RIC1: variants seen among roughly 807,000 people sequenced by gnomAD.
RIC1 encodes the protein guanine nucleotide exchange factor subunit RIC1.
Under a neutral mutation model 169.0 loss-of-function variants are expected in RIC1, and 88 were observed. The ratio of observed to expected loss-of-function variants is 0.52; its 90% CI spans 0.44 to 0.62. The LOEUF (loss-of-function observed/expected upper bound fraction) is 0.62, where lower values mean the gene tolerates loss of function less well. Among genes scored for constraint, RIC1 ranks in the 20% least tolerant of loss-of-function variants. The pLI is 0.00. For synonymous variants in RIC1, 790 were observed against 601.5 expected (o/e 1.31, Z -4.59); for missense variants, 1,877 against 1,725.5 (o/e 1.09, Z -1.56).
At chr9:5,687,320 A>C (rs57195876) in intron 2 of RIC1, among the ~76,000 whole-genome samples, 9 of 151,926 alleles carry the variant, frequency 5.9e-5, no homozygotes, top group African/African-American at 1.9e-4. Flanking sequence ...TCTGTTTTCT[A>C]TTTCATTGAT....
intron 6 of RIC1, among the ~76,000 whole-genome samples, chr9:5,723,483 A>G (rs1405438541): frequency 1.3e-5 from 2 of 152,150 alleles, no homozygotes; most frequent in Non-Finnish European, 1.5e-5. Context: ...GGTAGATGGT[A>G]AAAATTTTTT....
chr9:5,739,204 C>T (rs1321782865), intron 8 of RIC1, among the ~76,000 whole-genome samples: 1 of 152,082 alleles, frequency 6.6e-6, no homozygotes, highest in Non-Finnish European at 1.5e-5. Flanking sequence ...CCTTTGGATC[C>T]CTTCCTCTAC....
intron 2 of RIC1, among the ~76,000 whole-genome samples, chr9:5,671,292 CG>C (rs1207045228): frequency 6.9e-6 from 1 of 145,974 alleles, no homozygotes; most frequent in African/African-American, 2.6e-5. Context: ...TTTTTTGAGA[CG>C]GCATCTTGCT....
chr9:5,722,953 G>A (rs532771046), intron 6 of RIC1, among the ~76,000 whole-genome samples: 13 of 152,250 alleles, frequency 8.5e-5, no homozygotes, highest in African/African-American at 3.1e-4. Context: ...AATCCAGTCT[G>A]TCATTGATGG....
At chr9:5,747,830 C>T (rs536012422) in intron 12 of RIC1, among the ~76,000 whole-genome samples, 5 of 152,106 alleles carry the variant, frequency 3.3e-5, no homozygotes, top group Non-Finnish European at 7.3e-5. Context: ...CGGATTTGCA[C>T]AGGCAAAACA....
chr9:5,638,719 T>A (rs1380901784), intron 1 of RIC1, among the ~76,000 whole-genome samples: 1 of 152,198 alleles, frequency 6.6e-6, no homozygotes, highest in Non-Finnish European at 1.5e-5. Flanking sequence ...TATTTTGGTT[T>A]TCTCTTTTAA....
chr9:5,695,066 T>C (rs1165333174), intron 3 of RIC1, among the ~76,000 whole-genome samples: 1 of 152,058 alleles, frequency 6.6e-6, no homozygotes, highest in Admixed American at 6.6e-5. Context: ...TGGAGAAAAA[T>C]TAAGCAGGGT....
chr9:5,672,554 T>G (rs1264529970), intron 2 of RIC1, among the ~76,000 whole-genome samples: 1 of 152,134 alleles, frequency 6.6e-6, no homozygotes, highest in East Asian at 1.9e-4. Flanking sequence ...ATAAAATTAT[T>G]TTTGAAAAGA....
chr9:5,739,391 A>C (rs1824927889), intron 8 of RIC1, among the ~76,000 whole-genome samples: 1 of 152,044 alleles, frequency 6.6e-6, no homozygotes, highest in Non-Finnish European at 1.5e-5. Flanking sequence ...GCCTGATCCA[A>C]CTCTGTGTAC....
In RIC1 at chr9:5,629,452, G is replaced by A. The variant is rs1483720109; in HGVS notation, c.143G>A (p.Arg48Gln). 4 of 1,529,570 alleles carry A rather than the reference G, an allele frequency of 2.6e-6. No homozygotes were observed. Among genetic ancestry groups the A allele is most frequent in the Non-Finnish European group, 3.5e-6 (4 of 1,144,210 alleles). The allele number at this position is 1,529,570 out of a possible 1,614,324, so 94.7% of individuals were successfully genotyped here. A position where few individuals can be genotyped will look rare whatever the true frequency, so the allele number is the denominator to read the frequency against. ...AAARLSIWYS[R>Q]PSVLIVTYKE... ...GCCCGCCTCAGCATCTGGTACAGCCGAGTAAGTAGAGCCGCCCGCCGCCTT... is the reference window on the plus strand; with the variant it reads ...GCCCGCCTCAGCATCTGGTACAGCCAAGTAAGTAGAGCCGCCCGCCGCCTT... Residue 48 changes from arginine (R) to glutamine (Q), a missense_variant and splice_region_variant, in exon 1 of 26, where the codon CGA (arginine) becomes CAA (glutamine). Physicochemically the swap from Arg to Gln is conservative, Grantham distance 43 (BLOSUM62 1). Transcript: ENST00000414202.
At chr9:5,764,676 A>C (rs1317343052) in intron 19 of RIC1, among the ~76,000 whole-genome samples, 1 of 152,226 alleles carries the variant, frequency 6.6e-6, no homozygotes, top group East Asian at 1.9e-4. Context: ...GGTGGCCTTG[A>C]AGTATGATTC....
At chr9:5,714,953 A>G (rs1487450903) in intron 4 of RIC1, among the ~76,000 whole-genome samples, 1 of 152,188 alleles carries the variant, frequency 6.6e-6, no homozygotes, top group Non-Finnish European at 1.5e-5. Context: ...GTAAAGGTTT[A>G]TTTCACCATT....
intron 3 of RIC1, among the ~76,000 whole-genome samples, chr9:5,690,843 C>G (rs993998815): frequency 6.6e-6 from 1 of 151,624 alleles, no homozygotes; most frequent in East Asian, 1.9e-4. Flanking sequence ...CACAGAGATT[C>G]CAGTAGATAA....
intron 7 of RIC1, among the ~76,000 whole-genome samples, chr9:5,737,844 A>C (rs1295552343): frequency 1.3e-5 from 2 of 151,300 alleles, no homozygotes; most frequent in East Asian, 3.8e-4. Flanking sequence ...AGAAAAGATT[A>C]TTAAGAAAAT....
At chr9:5,630,285 TATAACTTTGTCTATGAGAACGACA>T (rs1344232033) in intron 1 of RIC1, among the ~76,000 whole-genome samples, 4 of 152,380 alleles carry the variant, frequency 2.6e-5, no homozygotes, top group Non-Finnish European at 5.9e-5. Context: ...CAAACACTGC[TATAACTTTGTCTATGAGAACGACA>T]GAGTTCAGAG....
intron 2 of RIC1, among the ~76,000 whole-genome samples, chr9:5,669,663 T>C (rs2130554547): frequency 6.6e-6 from 1 of 152,302 alleles, no homozygotes; most frequent in South Asian, 2.1e-4. Flanking sequence ...GAAAACTTTT[T>C]TGGGGACTAT....
rs928859641 is a variant in RIC1, at chr9:5,745,902, C to T, written c.1096-29C>T. 6 of 1,588,024 alleles carry T rather than the reference C, an allele frequency of 3.8e-6. No individual in the cohort carries two copies. In the African/African-American group the frequency reaches 5.4e-5, roughly 14 times the overall value. ...ATACAAAAGCCTTTTATTGCTCTGA[C>T]TTTTTTTCTCCCTCCTCTTCTCTCT... On this transcript the variant is annotated intron_variant, in intron 10 of 25. Transcript: ENST00000414202.
chr9:5,642,140 G>T (rs188925667), intron 1 of RIC1, among the ~76,000 whole-genome samples: 6 of 145,408 alleles, frequency 4.1e-5, no homozygotes, highest in Admixed American at 4.0e-4. Context: ...TGCAGACTCA[G>T]AGGTACTGCC....
At position 5,761,170 on chromosome 9, in the gene RIC1, A is replaced by G. The variant is rs181307915; in HGVS notation, c.1993-1371A>G. Among the ~76,000 whole-genome samples, 1,198 of 132,558 alleles carry G rather than the reference A, an allele frequency of 9.0e-3. 16 individuals carry two copies. The highest frequency in any genetic ancestry group is 0.033 in the African/African-American group (1,140 of 34,682). 87.0% of individuals were successfully genotyped at this position (132,558 alleles called of 152,430 possible). ...GCTCTGTCACCCAGGCTAGAGTGCA[A>G]TGGTGCAATCTTGGCTCACTGCAGC... On this transcript the variant is annotated intron_variant, in intron 17 of 25. Coordinates refer to ENST00000414202, the MANE Select transcript of RIC1 (RefSeq NM_020829.4).
Sources: allele counts gnomAD v4.1 joint callset (sites outside exome capture counted in the v4.1 genomes callset), GRCh38; gene constraint gnomAD v4.1.1; transcripts MANE v1.5; gene names NCBI Gene and HGNC (gene_info 2026-07-23, HGNC 2026-07-21).